TRAPPC9: variants seen among roughly 807,000 people sequenced by gnomAD.
TRAPPC9 encodes the protein IKK2 binding protein.
Under a neutral mutation model 124.0 loss-of-function variants are expected in TRAPPC9, and 83 were observed. The ratio of observed to expected loss-of-function variants is 0.67; its 90% CI spans 0.56 to 0.80. TRAPPC9 has a LOEUF of 0.80. TRAPPC9 is among the 30% of genes least tolerant of loss of function. TRAPPC9 has a pLI of 0.00. For synonymous variants in TRAPPC9, 638 were observed against 617.5 expected (o/e 1.03, Z -0.49); for missense variants, 1,302 against 1,508.3 (o/e 0.86, Z 2.27).
At chr8:139,873,482 A>C (rs1056767941) in intron 21 of TRAPPC9, among the ~76,000 whole-genome samples, 4 of 152,096 alleles carry the variant, frequency 2.6e-5, no homozygotes, top group Non-Finnish European at 5.9e-5. Flanking sequence ...GGGTAAGCCA[A>C]CTGCTCCCTG....
rs141067069 is a variant in TRAPPC9 at position 139,732,017 on chromosome 8, C to A, written c.3241G>T (p.Val1081Phe). ...GVHNYDLHDT[V>F]SFVGSSTFYL... is the part of the protein sequence containing the mutation. ...AAGGTGCTGGAGCCCACGAAGGAGA[C>A]GGTGTCGTGCAGGTCGTAGTTGTGC... The change falls in exon 22 of 23, where the codon GTC (valine) becomes TTC (phenylalanine). Residue 1081 changes from valine (V) to phenylalanine (F), a missense_variant. Coordinates refer to ENST00000438773, the MANE Select transcript of TRAPPC9 (RefSeq NM_001160372.4). 1 of 1,599,024 alleles carries A rather than the reference C, an allele frequency of 6.3e-7. No homozygotes were observed. Among genetic ancestry groups the A allele is most frequent in the East Asian group, 2.3e-5 (1 of 44,162 alleles).
At chr8:139,929,776 C>A (rs1388721399) in intron 19 of TRAPPC9, among the ~76,000 whole-genome samples, 2 of 152,218 alleles carry the variant, frequency 1.3e-5, no homozygotes, top group Non-Finnish European at 2.9e-5. Context: ...GGTCACCCAG[C>A]AAGCCTGGGC....
In TRAPPC9 at chr8:140,275,697, C is replaced by G; in HGVS notation, c.2239G>C (p.Glu747Gln). Reference sequence around the variant, plus strand: ...ACTTTCGAGGTGACCTCCAGTTTCTCCAATGGTTCCATTCCAATATTTTCC... The same window carrying G: ...ACTTTCGAGGTGACCTCCAGTTTCTGCAATGGTTCCATTCCAATATTTTCC... ...KLENIGMEPL[E>Q]KLEVTSKVLT... The change falls in exon 15 of 23, where the codon GAG becomes CAG. Residue 747 changes from glutamate (E) to glutamine (Q), a missense_variant. Coordinates refer to ENST00000438773, the MANE Select transcript of TRAPPC9 (RefSeq NM_001160372.4). The G allele has an allele frequency of 1.2e-6, 2 of 1,614,188 alleles. No individual in the cohort carries two copies. The highest frequency in any genetic ancestry group is 1.7e-6 in the Non-Finnish European group (2 of 1,180,032).
At chr8:139,948,435 TGCTCTAAG>T (rs1834417317) in intron 19 of TRAPPC9, among the ~76,000 whole-genome samples, 1 of 152,176 alleles carries the variant, frequency 6.6e-6, no homozygotes, top group Admixed American at 6.5e-5. Flanking sequence ...CAAATGCTGA[TGCTCTAAG>T]GCTAGAGGAC....
chr8:140,222,198 C>A (rs2063351464), intron 16 of TRAPPC9, among the ~76,000 whole-genome samples: 2 of 152,188 alleles, frequency 1.3e-5, no homozygotes, highest in African/African-American at 4.8e-5. Flanking sequence ...GCCGCTTGAC[C>A]TTAGTCTAAG....
chr8:140,311,013 G>A (rs757741021), intron 10 of TRAPPC9, among the ~76,000 whole-genome samples: 4 of 152,058 alleles, frequency 2.6e-5, no homozygotes, highest in Non-Finnish European at 2.9e-5. Flanking sequence ...ACGTGACTCC[G>A]CCATTTAGTG....
intron 21 of TRAPPC9, among the ~76,000 whole-genome samples, chr8:139,746,425 A>G (rs919062160): frequency 4.6e-5 from 7 of 152,200 alleles, no homozygotes; most frequent in Non-Finnish European, 8.8e-5. Flanking sequence ...GAGAAACTGA[A>G]GAAACTGAGG....
Position 140,353,644 on chromosome 8 carries a change from G to A in TRAPPC9, c.1495+6406C>T, listed in dbSNP as rs1006239219. ...CCAGCGCAAGGATGACCATCAGGCC[G>A]CGGGCCAGACCTGGTCCATAGGCCA... On this transcript the variant is annotated intron_variant, in intron 9 of 22. Transcript: ENST00000438773. The surrounding 1 kb of genome is among the most constrained non-coding windows in gnomAD (Gnocchi z 4.2). Among the ~76,000 whole-genome samples, 2 of 152,182 alleles carry A rather than the reference G, an allele frequency of 1.3e-5. No homozygotes were observed. Among genetic ancestry groups the A allele is most frequent in the African/African-American group, 2.4e-5 (1 of 41,438 alleles).
At chr8:139,877,233 G>C (rs1338208200) in intron 21 of TRAPPC9, among the ~76,000 whole-genome samples, 1 of 152,260 alleles carries the variant, frequency 6.6e-6, no homozygotes, top group Non-Finnish European at 1.5e-5. Context: ...GAAGAGGCAG[G>C]CGGAGGGTGG....
Position 139,749,789 on chromosome 8 carries a change from G to A in TRAPPC9, c.3056-17587C>T, listed in dbSNP as rs146326687. Among the ~76,000 whole-genome samples the A allele has an allele frequency of 5.3e-5, 8 of 152,332 alleles. No individual in the cohort carries two copies. In the East Asian group the frequency reaches 5.8e-4, roughly 11 times the overall value. On this transcript the variant is annotated intron_variant, in intron 21 of 22. Coordinates refer to ENST00000438773, the MANE Select transcript of TRAPPC9 (RefSeq NM_001160372.4). ...CCGGGCAGCTGGATGAGCGGGTGGC[G>A]GTTAGCTGCTGCCCCTGTGCTGGAC... is the stretch of plus-strand genomic sequence containing the variant.
intron 17 of TRAPPC9, among the ~76,000 whole-genome samples, chr8:140,195,140 C>T (rs1382396826): frequency 6.6e-6 from 1 of 152,094 alleles, no homozygotes; most frequent in Admixed American, 6.5e-5. Flanking sequence ...ATCCACTGTA[C>T]AGATCACACC....
chr8:140,359,427 T>A (rs1186282071), intron 9 of TRAPPC9, among the ~76,000 whole-genome samples: 1 of 151,990 alleles, frequency 6.6e-6, no homozygotes, highest in African/African-American at 2.4e-5. Context: ...AGGAGCAGTG[T>A]AAGAAGAGAA....
At chr8:140,326,346 A>G (rs1413327738) in intron 9 of TRAPPC9, among the ~76,000 whole-genome samples, 1 of 152,060 alleles carries the variant, frequency 6.6e-6, no homozygotes, top group African/African-American at 2.4e-5. Flanking sequence ...CCGCTCTGTC[A>G]TATTTGGATT....
At chr8:139,841,426 G>A (rs1347087917) in intron 21 of TRAPPC9, among the ~76,000 whole-genome samples, 2 of 152,208 alleles carry the variant, frequency 1.3e-5, no homozygotes, top group African/African-American at 2.4e-5. Context: ...GGGGGCCGGC[G>A]GGCCTCACTG....
At chr8:140,316,263 T>G (rs562073756) in intron 9 of TRAPPC9, among the ~76,000 whole-genome samples, 2 of 152,182 alleles carry the variant, frequency 1.3e-5, no homozygotes, top group Non-Finnish European at 2.9e-5. Context: ...TTTGATTTTT[T>G]GCTTAAAACG....
intron 9 of TRAPPC9, among the ~76,000 whole-genome samples, chr8:140,357,764 C>T (rs750591684): frequency 2.6e-5 from 4 of 152,348 alleles, no homozygotes; most frequent in African/African-American, 7.2e-5. Flanking sequence ...GTCACCGAAA[C>T]GCCGGAGTGC....
chr8:140,124,031 T>G (rs2061036192), intron 17 of TRAPPC9, among the ~76,000 whole-genome samples: 1 of 152,248 alleles, frequency 6.6e-6, no homozygotes, highest in Non-Finnish European at 1.5e-5. Flanking sequence ...TTGCTCACCT[T>G]ATGCTGGAGG....
intron 17 of TRAPPC9, among the ~76,000 whole-genome samples, chr8:140,032,724 A>G (rs893640765): frequency 6.6e-6 from 1 of 152,232 alleles, no homozygotes; most frequent in Non-Finnish European, 1.5e-5. Context: ...CTTTCCATAC[A>G]TGAAGATATT....
intron 20 of TRAPPC9, among the ~76,000 whole-genome samples, chr8:139,887,742 G>A (rs187238974): frequency 1.2e-3 from 181 of 152,296 alleles, no homozygotes; most frequent in African/African-American, 4.2e-3. Context: ...TGCTAGACAC[G>A]GTCATCTTCC....
Sources: allele counts gnomAD v4.1 joint callset (sites outside exome capture counted in the v4.1 genomes callset), GRCh38; gene constraint gnomAD v4.1.1; non-coding constraint Gnocchi (gnomAD v3.1); transcripts MANE v1.5; gene names NCBI Gene and HGNC (gene_info 2026-07-23, HGNC 2026-07-21).